The following CATSPERE variants were observed in gnomAD, a reference collection of about 807,000 sequenced individuals.
CATSPERE encodes catsper channel auxiliary subunit epsilon, also known as cation channel sperm-associated auxiliary subunit epsilon.
A neutral mutation model predicts 114.1 loss-of-function variants in CATSPERE; 93 were observed. That is an observed-to-expected ratio of 0.81 (90% CI 0.69 to 0.97). The LOEUF (loss-of-function observed/expected upper bound fraction) is 0.97, where lower values mean the gene tolerates loss of function less well. Ranked by LOEUF, CATSPERE falls within the 50% of genes least tolerant of loss-of-function variation. The probability of loss-of-function intolerance (pLI) is 0.00; values close to 1 mark genes in which losing one functional copy is unlikely to be tolerated. For missense variants in CATSPERE, 1,058 were observed against 1,131.6 expected, an observed-to-expected ratio of 0.93 and a Z score of 0.93; for synonymous variants, 341 against 384.1, an observed-to-expected ratio of 0.89 and a Z score of 1.31.
At chr1:244,475,573 C>T (rs1410858979) in intron 2 of CATSPERE, among the ~76,000 whole-genome samples, 5 of 139,372 alleles carry the variant, frequency 3.6e-5, no homozygotes, top group African/African-American at 5.4e-5. Flanking sequence ...AGTCTCACTC[C>T]GTCGCCAGGC....
chr1:244,485,534 C>A (rs549745131), intron 5 of CATSPERE, among the ~76,000 whole-genome samples: 1 of 151,718 alleles, frequency 6.6e-6, no homozygotes, highest in South Asian at 2.1e-4. Context: ...TCTAGATTTT[C>A]TTAAGAGAAA....
chr1:244,583,603 C>T (rs6429484), intron 12 of CATSPERE, among the ~76,000 whole-genome samples: 27,893 of 152,024 alleles, frequency 0.18, 3,690 homozygotes, highest in East Asian at 0.41. Context: ...CTCATTTCTG[C>T]TTCCCATCGC....
chr1:244,493,723 GA>G (rs1672623004), intron 6 of CATSPERE, among the ~76,000 whole-genome samples: 1 of 152,164 alleles, frequency 6.6e-6, no homozygotes, highest in African/African-American at 2.4e-5. Flanking sequence ...CTAATATCCA[GA>G]ATCTACAATG....
At chr1:244,533,953 A>G (rs1177449317) in intron 8 of CATSPERE, among the ~76,000 whole-genome samples, 2 of 152,130 alleles carry the variant, frequency 1.3e-5, no homozygotes, top group East Asian at 3.8e-4. Context: ...TCTTGTGTTG[A>G]TGAAATCCCT....
intron 5 of CATSPERE, among the ~76,000 whole-genome samples, chr1:244,486,155 A>C (rs1670980169): frequency 6.6e-6 from 1 of 152,242 alleles, no homozygotes; most frequent in Non-Finnish European, 1.5e-5. Flanking sequence ...AATACTGTTA[A>C]AGATATCAAA....
At chr1:244,571,080 C>A (rs578052871) in intron 10 of CATSPERE, among the ~76,000 whole-genome samples, 3 of 152,142 alleles carry the variant, frequency 2.0e-5, no homozygotes, top group Non-Finnish European at 4.4e-5. Context: ...TTTTATATAT[C>A]ATTATACTGC....
At chr1:244,463,520 C>A (rs1361800952) in intron 1 of CATSPERE, among the ~76,000 whole-genome samples, 2 of 151,622 alleles carry the variant, frequency 1.3e-5, no homozygotes, top group East Asian at 1.9e-4. Context: ...AGAGCAAGAC[C>A]CTGTCTCAAA....
chr1:244,587,271 G>T (rs1667141114), intron 13 of CATSPERE, among the ~76,000 whole-genome samples: 1 of 152,178 alleles, frequency 6.6e-6, no homozygotes, highest in South Asian at 2.1e-4. Context: ...TATTGAATCT[G>T]TTAAAAAGAG....
At chr1:244,605,860 T>C in intron 18 of CATSPERE, 66 bp downstream of exon 18, 1 of 1,149,848 alleles carries the variant, frequency 8.7e-7, no homozygotes, top group East Asian at 2.5e-5. Flanking sequence ...TGTTTTAAAT[T>C]TATAAATAAG....
At chr1:244,543,770 T>C (rs1363464212) in intron 8 of CATSPERE, among the ~76,000 whole-genome samples, 2 of 151,794 alleles carry the variant, frequency 1.3e-5, no homozygotes, top group African/African-American at 4.8e-5. Flanking sequence ...CTTGACAAGA[T>C]AAGAGAGGAT....
chr1:244,614,488 C>T (rs7549474), intron 19 of CATSPERE, among the ~76,000 whole-genome samples: 34,378 of 152,152 alleles, frequency 0.23, 4,454 homozygotes, highest in African/African-American at 0.37. Context: ...ACTCTGTCCA[C>T]CTTGTGATCT....
chr1:244,616,614 A>T (rs1671429297), intron 19 of CATSPERE, among the ~76,000 whole-genome samples: 1 of 152,198 alleles, frequency 6.6e-6, no homozygotes, highest in South Asian at 2.1e-4. Flanking sequence ...AGGGAGGCTG[A>T]ACTCATCCTT....
upstream of CATSPERE, among the ~76,000 whole-genome samples, chr1:244,461,105 T>C (rs1463834489): frequency 6.6e-6 from 1 of 152,124 alleles, no homozygotes; most frequent in African/African-American, 2.4e-5. Context: ...CCTCCTTCCT[T>C]CCTTCTTTTT....
rs562134334 is a variant in CATSPERE at position 244,563,651 on chromosome 1, A to G, written c.1507+2506A>G. 3.2e-3 allele frequency among the ~76,000 whole-genome samples: 493 copies of G among 152,180 alleles called. 3 individuals carry two copies. The highest frequency in any genetic ancestry group is 4.7e-3 in the Non-Finnish European group (319 of 68,014). On this transcript the variant is annotated intron_variant, in intron 10 of 21. Transcript: ENST00000366534. The stretch of plus-strand genomic sequence containing the variant: ...TTGTTCAGGTTTTTGTAGATTCTGG[A>G]TATTAGCCCTTTGTCAGATGGATAG...
chr1:244,487,069 T>C (rs1389369102), intron 5 of CATSPERE, among the ~76,000 whole-genome samples: 2 of 133,148 alleles, frequency 1.5e-5, no homozygotes, highest in South Asian at 2.6e-4. Flanking sequence ...GGTGGGTGGT[T>C]CAGCATATGG....
At position 244,477,631 on chromosome 1, in the gene CATSPERE, G is replaced by A; in HGVS notation, c.188+17G>A. On this transcript the variant is annotated intron_variant, in intron 3 of 21. Transcript: ENST00000366534. The stretch of plus-strand genomic sequence containing the variant: ...AAATAAAAGGTAAGATTTATGCCAT[G>A]AATATCAATGTATGTGTATATTTTT... 3 of 1,442,918 alleles carry A rather than the reference G, an allele frequency of 2.1e-6. No individual in the cohort carries two copies. The highest frequency in any genetic ancestry group is 2.9e-6 in the Non-Finnish European group (3 of 1,027,618). The allele number at this position is 1,442,918 out of a possible 1,614,324, so 89.4% of individuals were successfully genotyped here. A position where few individuals can be genotyped will look rare whatever the true frequency, so the allele number is the denominator to read the frequency against.
chr1:244,558,346 T>C (rs1179828728), intron 9 of CATSPERE, among the ~76,000 whole-genome samples: 7 of 151,970 alleles, frequency 4.6e-5, no homozygotes, highest in Non-Finnish European at 1.0e-4. Flanking sequence ...GATGGGGTTT[T>C]GCCATGTTGG....
intron 8 of CATSPERE, among the ~76,000 whole-genome samples, chr1:244,535,863 C>G (rs928774453): frequency 1.3e-5 from 2 of 152,030 alleles, no homozygotes; most frequent in African/African-American, 4.8e-5. Context: ...GCTGCCACAG[C>G]TGGGAATGTG....
intron 17 of CATSPERE, among the ~76,000 whole-genome samples, chr1:244,596,508 A>C (rs1041755667): frequency 1.3e-5 from 2 of 152,160 alleles, no homozygotes; most frequent in African/African-American, 4.8e-5. Context: ...GTTCACCTGC[A>C]TCACTAGGAA....
Sources: allele counts gnomAD v4.1 joint callset (sites outside exome capture counted in the v4.1 genomes callset), GRCh38; gene constraint gnomAD v4.1.1; transcripts MANE v1.5; gene names NCBI Gene and HGNC (gene_info 2026-07-23, HGNC 2026-07-21).